Variants in TGM3 observed in about 807,000 individuals in gnomAD.
TGM3 encodes the protein transglutaminase 3, also known as protein-glutamine gamma-glutamyltransferase E.
Under a neutral mutation model 73.8 loss-of-function variants are expected in TGM3, and 52 were observed. That is an observed-to-expected ratio of 0.70 (90% CI 0.56 to 0.89). The LOEUF (loss-of-function observed/expected upper bound fraction) is 0.89. Among genes scored for constraint, TGM3 ranks in the 40% least tolerant of loss-of-function variants. TGM3 has a pLI of 0.00. For synonymous variants in TGM3, 372 were observed against 354.9 expected (o/e 1.05, Z -0.54); for missense variants, 928 against 909.9 (o/e 1.02, Z -0.26).
At chr20:2,312,627 TTTA>T (rs1365903247) in intron 4 of TGM3, among the ~76,000 whole-genome samples, 4 of 152,162 alleles carry the variant, frequency 2.6e-5, no homozygotes, top group Non-Finnish European at 5.9e-5. Flanking sequence ...TAATTTTTTA[TTTA>T]TTATCCTTTT....
intron 11 of TGM3, among the ~76,000 whole-genome samples, 165 bp from the exon 12 acceptor site, chr20:2,339,689 C>T (rs973292535): frequency 7.2e-5 from 11 of 152,054 alleles, no homozygotes; most frequent in Admixed American, 2.0e-4. Context: ...GGGCAGGGGG[C>T]GTCAGACACA....
At chr20:2,317,576 G>C (rs746614783) in intron 7 of TGM3, 91 bp downstream of exon 7, 395 of 1,547,806 alleles carry the variant, frequency 2.6e-4, no homozygotes, top group Non-Finnish European at 3.3e-4. Context: ...GTCCAAACAG[G>C]TGTTGCAAGG....
chr20:2,328,013 C>A lies in TGM3; in HGVS notation c.1088-107C>A. 2 of 1,501,214 alleles carry A rather than the reference C, an allele frequency of 1.3e-6. No homozygotes were observed. The highest frequency in any genetic ancestry group is 2.3e-5 in the East Asian group (1 of 43,976). The allele number at this position is 1,501,214 out of a possible 1,614,324, so 93.0% of individuals were successfully genotyped here. A position where few individuals can be genotyped will look rare whatever the true frequency, so the allele number is the denominator to read the frequency against. On this transcript the variant is annotated intron_variant, in intron 8 of 12. Coordinates refer to ENST00000381458, the MANE Select transcript of TGM3 (RefSeq NM_003245.4). The surrounding 1 kb of genome is among the most constrained non-coding windows in gnomAD (Gnocchi z 5.2). ...ACAGTCAGGGGTGAAGGAATTTGGG[C>A]GGGGCAGAGGCAGGGGGTTGCAGTG... is the stretch of plus-strand genomic sequence containing the variant.
Position 2,340,653 on chromosome 20 carries a change from C to A in TGM3, c.*72C>A. The A allele has an allele frequency of 6.9e-6, 11 of 1,595,742 alleles. No individual in the cohort carries two copies. The highest frequency in any genetic ancestry group is 6.0e-6 in the Non-Finnish European group (7 of 1,167,016). ...GAGAGCTCACCATGGAATGAACCCC[C>A]CGCCCATGCTGTCCGGCCTGGGAAA... On this transcript the variant is annotated 3_prime_UTR_variant, in exon 13 of 13. Transcript: ENST00000381458.
chr20:2,316,466 C>T (rs1174772165), intron 5 of TGM3, among the ~76,000 whole-genome samples: 3 of 151,828 alleles, frequency 2.0e-5, no homozygotes, highest in Non-Finnish European at 4.4e-5. Flanking sequence ...GGAGGCTGAG[C>T]CAGGAGAATT....
At chr20:2,324,882 AT>A (rs541232526) in intron 7 of TGM3, among the ~76,000 whole-genome samples, 178 of 151,898 alleles carry the variant, frequency 1.2e-3, no homozygotes, top group African/African-American at 3.6e-3. Flanking sequence ...CTAGTTTTTC[AT>A]TTTTTTCCCC....
chr20:2,298,351 G>A (rs893210059), intron 1 of TGM3, among the ~76,000 whole-genome samples: 3 of 152,156 alleles, frequency 2.0e-5, no homozygotes, highest in Non-Finnish European at 4.4e-5. Context: ...TGAGCACAGA[G>A]GAGGGCCCCA....
chr20:2,327,406 G>A (rs1439113947), intron 8 of TGM3, among the ~76,000 whole-genome samples: 2 of 152,186 alleles, frequency 1.3e-5, no homozygotes, highest in Non-Finnish European at 2.9e-5. Context: ...GAACCCGGGA[G>A]GCGGAGCTTG....
intron 1 of TGM3, among the ~76,000 whole-genome samples, chr20:2,304,320 G>A (rs2084166645): frequency 6.6e-6 from 1 of 152,190 alleles, no homozygotes; most frequent in Non-Finnish European, 1.5e-5. Flanking sequence ...GGCAGCCAGT[G>A]AAGGGTTCAG....
Position 2,310,388 on chromosome 20 carries a change from T to C in TGM3, c.392T>C (p.Phe131Ser). 1 of 1,614,208 alleles carries C rather than the reference T, an allele frequency of 6.2e-7. No homozygotes were observed. Reference sequence around the variant, plus strand: ...ATCTCCTCTGTGAAACTTGGGACGTTCATACTGCTTTTTAACCCCTGGCTG... The same window carrying C: ...ATCTCCTCTGTGAAACTTGGGACGTCCATACTGCTTTTTAACCCCTGGCTG... The part of the protein sequence containing the change: ...GGISSVKLGT[F>S]ILLFNPWLNV... The change falls in exon 3 of 13, where the codon TTC (phenylalanine) becomes TCC (serine). Residue 131 changes from phenylalanine (F) to serine (S), a missense_variant. Transcript: ENST00000381458.
At chr20:2,339,816 A>C (rs373033289) in intron 11 of TGM3, 38 bp from the exon 12 acceptor site, 28 of 1,612,802 alleles carry the variant, frequency 1.7e-5, no homozygotes, top group Middle Eastern at 3.3e-4. Context: ...GGGGCTGAGC[A>C]GCTGGAGTCC....
chr20:2,309,699 G>A lies in TGM3; in HGVS notation c.50G>A (p.Arg17Gln), dbSNP rs767299151. 16 of 1,613,992 alleles carry A rather than the reference G, an allele frequency of 9.9e-6. No homozygotes were observed. Among genetic ancestry groups the A allele is most frequent in the East Asian group, 6.7e-5 (3 of 44,876 alleles). Residue 17 changes from arginine to glutamine, a missense_variant, in exon 2 of 13, where the codon CGA (arginine) becomes CAA (glutamine). By Grantham distance (43) the Arg-to-Gln change is conservative. Transcript: ENST00000381458. The stretch of plus-strand genomic sequence containing the variant: ...ATCAACTGGCAGACGGCCTTCAACC[G>A]ACAAGCGCATCACACAGACAAGTTC... The part of the protein sequence containing the change: ...QSINWQTAFN[R>Q]QAHHTDKFSS...
chr20:2,340,943 T>G lies in TGM3; in HGVS notation c.*362T>G, dbSNP rs45572444. 10 of 473,922 alleles carry G rather than the reference T, an allele frequency of 2.1e-5. No individual in the cohort carries two copies. The highest frequency in any genetic ancestry group is 4.7e-5 in the Admixed American group (2 of 43,006). The allele number at this position is 473,922 out of a possible 1,614,324, so 29.4% of individuals were successfully genotyped here. On this transcript the variant is annotated 3_prime_UTR_variant, in exon 13 of 13. Transcript: ENST00000381458. ...ATACAGGAGAGAAGCTGGTCTAGACTGTTTGCTGATCCCCAACCTGCACGG... is the reference window on the plus strand; with the variant it reads ...ATACAGGAGAGAAGCTGGTCTAGACGGTTTGCTGATCCCCAACCTGCACGG...
rs374729253 is a variant in TGM3, at chr20:2,335,236, G to A, written c.1763G>A (p.Arg588Gln). Reference protein sequence around the residue: ...VPDESEVVVERDIILDNPTLT... With the variant: ...VPDESEVVVEQDIILDNPTLT... ...GATGAGTCTGAGGTGGTGGTGGAGC[G>A]GGACATCATCCTGGACAACCCCACC... Residue 588 changes from arginine (R) to glutamine (Q), a missense_variant, in exon 11 of 13, where the codon CGG becomes CAG. Coordinates refer to ENST00000381458, the MANE Select transcript of TGM3 (RefSeq NM_003245.4). The A allele has an allele frequency of 3.9e-5, 63 of 1,614,052 alleles. No homozygotes were observed. Among genetic ancestry groups the A allele is most frequent in the Middle Eastern group, 1.6e-4 (1 of 6,068 alleles).
chr20:2,328,126 TC>T lies in TGM3; in HGVS notation c.1096del (p.Gln366SerfsTer17). 1 of 1,614,128 alleles carries T rather than the reference TC, an allele frequency of 6.2e-7. No individual in the cohort carries two copies. Among genetic ancestry groups the T allele is most frequent in the South Asian group, 1.1e-5 (1 of 91,078 alleles). On this transcript the variant is annotated frameshift_variant, in exon 9 of 13. Coordinates refer to ENST00000381458, the MANE Select transcript of TGM3 (RefSeq NM_003245.4). LOFTEE classifies it high-confidence loss of function. This position sits in a 1 kb window ranked among gnomAD's most constrained non-coding sequence, Gnocchi z 5.2. Reference protein sequence around the residue: ...ATPQERSQGVFQCGPASVIGV... With the variant: ...ATPQERSQGVXQCGPASVIGV... Reference sequence around the variant, plus strand: ...TCTGCATCTTGGCCTCCAGGGGTGTTCCAGTGCGGCCCCGCTTCGGTCATTG... The same window carrying T: ...TCTGCATCTTGGCCTCCAGGGGTGTTCAGTGCGGCCCCGCTTCGGTCATTG...
At chr20:2,299,383 C>T (rs1303458363) in intron 1 of TGM3, among the ~76,000 whole-genome samples, 1 of 152,132 alleles carries the variant, frequency 6.6e-6, no homozygotes, top group Admixed American at 6.5e-5. Context: ...ATTCCCAAGT[C>T]CAAAGTCCTC....
rs775353784 is a variant in TGM3, at chr20:2,328,124, G to T, written c.1092G>T (p.Val364=). 1 of 1,614,086 alleles carries T rather than the reference G, an allele frequency of 6.2e-7. No homozygotes were observed. Among genetic ancestry groups the T allele is most frequent in the Middle Eastern group, 1.6e-4 (1 of 6,084 alleles). Residue 364 remains valine, a synonymous_variant, in exon 9 of 13, where the codon GTG becomes GTT. Transcript: ENST00000381458. The surrounding 1 kb of genome is among the most constrained non-coding windows in gnomAD (Gnocchi z 5.2). ...DATPQERSQG[V]FQCGPASVIG... is the part of the protein sequence containing the mutation. ...CCTCTGCATCTTGGCCTCCAGGGGT[G>T]TTCCAGTGCGGCCCCGCTTCGGTCA...
Position 2,332,059 on chromosome 20 carries a change from C to T in TGM3, c.1391C>T (p.Thr464Met), listed in dbSNP as rs374109992. ...GCTTTGGGGAAACTTAAACCCAACA[C>T]GCCATTTGCCGCGACGTCTTCAATG... is the stretch of plus-strand genomic sequence containing the variant. Reference protein sequence around the residue: ...QKALGKLKPNTPFAATSSMGL... With the variant: ...QKALGKLKPNMPFAATSSMGL... Residue 464 changes from threonine (T) to methionine (M), a missense_variant, in exon 10 of 13, where the codon ACG becomes ATG. Coordinates refer to ENST00000381458, the MANE Select transcript of TGM3 (RefSeq NM_003245.4). This position sits in a 1 kb window ranked among gnomAD's most constrained non-coding sequence, Gnocchi z 4.4. 4.4e-5 allele frequency: 71 copies of T among 1,613,948 alleles called. 1 individual carries two copies. The South Asian group carries it at 4.5e-4, about 10-fold the overall frequency.
intron 12 of TGM3, 47 bp downstream of exon 12, chr20:2,340,034 G>C (rs780749397): frequency 2.1e-6 from 3 of 1,436,688 alleles, no homozygotes; most frequent in South Asian, 2.4e-5. Flanking sequence ...GGGAGGGGGC[G>C]GGGGGGCCCT....
Sources: gnomAD v4.1 joint callset for allele counts (sites outside exome capture counted in the v4.1 genomes callset) on GRCh38, gnomAD v4.1.1 for gene constraint, Gnocchi (gnomAD v3.1) non-coding constraint, MANE v1.5 for transcripts, NCBI Gene and HGNC (gene_info 2026-07-23, HGNC 2026-07-21) for gene names.